IQCK: variants seen among roughly 807,000 people sequenced by gnomAD.
IQCK encodes the protein IQ motif containing K, also known as IQ domain-containing protein K.
In IQCK, 29 loss-of-function variants were observed where a neutral mutation model predicts 28.1. That is an observed-to-expected ratio of 1.03 (90% CI 0.77 to 1.41). IQCK has a LOEUF of 1.41. Among genes scored for constraint, IQCK ranks in the 40% most tolerant of loss-of-function variants. IQCK has a pLI of 0.00. For missense variants in IQCK, 359 were observed against 314.7 expected (o/e 1.14, Z -1.07); for synonymous variants, 113 against 115.1 (o/e 0.98, Z 0.12).
intron 6 of IQCK, among the ~76,000 whole-genome samples, chr16:19,780,414 T>G (rs1287628552): frequency 6.6e-6 from 1 of 151,920 alleles, no homozygotes; most frequent in African/African-American, 2.4e-5. Context: ...CAAGCCATCC[T>G]CCCTCCTTGG....
chr16:19,779,611 G>T (rs1467835009), intron 6 of IQCK, among the ~76,000 whole-genome samples: 1 of 151,676 alleles, frequency 6.6e-6, no homozygotes, highest in Non-Finnish European at 1.5e-5. Context: ...TAACTTTCTG[G>T]TCACTCTCTC....
chr16:19,763,833 CT>C lies in IQCK; in HGVS notation c.475-14del. ...TAAGGGTCAGTTGTAATTTAATTAT[CT>C]CTTCTCTCTTCAGAGGAAAAGAACC... is the stretch of plus-strand genomic sequence containing the variant. On this transcript the variant is annotated splice_polypyrimidine_tract_variant and intron_variant, in intron 4 of 7. Coordinates refer to ENST00000564186, the Ensembl canonical transcript of IQCK. 1 of 1,597,368 alleles carries C rather than the reference CT, an allele frequency of 6.3e-7. No homozygotes were observed. The highest frequency in any genetic ancestry group is 8.6e-7 in the Non-Finnish European group (1 of 1,164,992).
At chr16:19,779,503 A>G (rs1467063236) in intron 6 of IQCK, among the ~76,000 whole-genome samples, 2 of 152,024 alleles carry the variant, frequency 1.3e-5, no homozygotes, top group East Asian at 3.9e-4. Context: ...AAAATATGAA[A>G]AGTTTTTTCT....
At chr16:19,822,385 CAAAAAAAAAAA>C (rs1216507836) in intron 7 of IQCK, among the ~76,000 whole-genome samples, 1 of 61,176 alleles carries the variant, frequency 1.6e-5, no homozygotes, top group Non-Finnish European at 3.4e-5. Context: ...GACTCTGTCT[CAAAAAAAAAAA>C]AAAAAAAAAG....
exon 10 of IQCK, chr16:19,857,267 G>C (rs1350961091): frequency 9.2e-6 from 3 of 326,324 alleles, no homozygotes; most frequent in African/African-American, 2.3e-5. Flanking sequence ...AGTTGCACTG[G>C]GTTGTTTTGA....
chr16:19,810,353 C>T lies in IQCK; in HGVS notation c.691-16673C>T, dbSNP rs575706307. On this transcript the variant is annotated intron_variant, in intron 7 of 7. Coordinates refer to ENST00000564186, the Ensembl canonical transcript of IQCK. ...ATACTAAAAAATACAAAAAATTAGC[C>T]GGGTGTGGTGGCGGGTGCCTGTAGT... 1.1e-3 allele frequency among the ~76,000 whole-genome samples: 170 copies of T among 150,938 alleles called. 2 individuals carry two copies. The highest frequency in any genetic ancestry group is 3.6e-3 in the African/African-American group (150 of 41,110).
intron 6 of IQCK, among the ~76,000 whole-genome samples, chr16:19,768,412 T>C (rs1465358968): frequency 6.6e-6 from 1 of 152,174 alleles, no homozygotes; most frequent in African/African-American, 2.4e-5. Flanking sequence ...TCAGGCAGAA[T>C]TAAGAGCCTG....
chr16:19,814,786 CTTT>C (rs35073247), intron 7 of IQCK, among the ~76,000 whole-genome samples: 5 of 122,388 alleles, frequency 4.1e-5, no homozygotes, highest in Admixed American at 8.5e-5. Context: ...TAAAGAGGGT[CTTT>C]TTTTTTTTTT....
chr16:19,773,927 T>G (rs2055352703), intron 6 of IQCK, among the ~76,000 whole-genome samples: 1 of 152,202 alleles, frequency 6.6e-6, no homozygotes, highest in Non-Finnish European at 1.5e-5. Flanking sequence ...ATGTGACCTT[T>G]CTGTTGGGTG....
chr16:19,855,077 A>G (rs1397064359), intron 9 of IQCK, among the ~76,000 whole-genome samples: 1 of 152,208 alleles, frequency 6.6e-6, no homozygotes, highest in Non-Finnish European at 1.5e-5. Context: ...TGTCAAACAT[A>G]GAAAATAAGG....
chr16:19,808,468 C>A (rs1263252364), intron 7 of IQCK, among the ~76,000 whole-genome samples: 1 of 152,066 alleles, frequency 6.6e-6, no homozygotes, highest in Non-Finnish European at 1.5e-5. Context: ...ATTTGAGAAG[C>A]CTGAGTGCCA....
chr16:19,746,501 T>TA (rs1441764905), intron 4 of IQCK, among the ~76,000 whole-genome samples: 1 of 152,240 alleles, frequency 6.6e-6, no homozygotes, highest in Non-Finnish European at 1.5e-5. Context: ...CTGTGGGTGC[T>TA]GAAAACATTT....
chr16:19,771,928 C>A (rs979915910), intron 6 of IQCK, among the ~76,000 whole-genome samples: 1 of 152,042 alleles, frequency 6.6e-6, no homozygotes, highest in East Asian at 1.9e-4. Context: ...GACAGGGAAT[C>A]AACGAGGGAT....
intron 4 of IQCK, among the ~76,000 whole-genome samples, chr16:19,759,352 G>C (rs909130169): frequency 6.6e-6 from 1 of 152,060 alleles, no homozygotes; most frequent in Non-Finnish European, 1.5e-5. Flanking sequence ...GGGATTACAG[G>C]CACGTGCCAC....
chr16:19,767,116 A>C (rs1053641506), intron 6 of IQCK, among the ~76,000 whole-genome samples: 1 of 152,150 alleles, frequency 6.6e-6, no homozygotes, highest in Non-Finnish European at 1.5e-5. Flanking sequence ...TCAAACCTCT[A>C]GGGGAGCATA....
Position 19,758,698 on chromosome 16 carries a change from A to G in IQCK, c.475-5150A>G, listed in dbSNP as rs34852875. Among the ~76,000 whole-genome samples the G allele has an allele frequency of 5.5e-3, 836 of 152,336 alleles. 5 individuals carry two copies. Among genetic ancestry groups the G allele is most frequent in the Admixed American group, 9.1e-3 (139 of 15,298 alleles). ...GACTTCTATTCTTGCAGGGCAGATT[A>G]GAGGACCCCATTACATGGTCTGATA... is the stretch of plus-strand genomic sequence containing the variant. On this transcript the variant is annotated intron_variant, in intron 4 of 7. Coordinates refer to ENST00000564186, the Ensembl canonical transcript of IQCK.
intron 6 of IQCK, among the ~76,000 whole-genome samples, chr16:19,785,021 G>A (rs7198630): frequency 0.15 from 22,747 of 152,126 alleles, 1,929 homozygotes; most frequent in South Asian, 0.26. Context: ...CACCCGCCCC[G>A]GCCTTCCAAA....
chr16:19,781,030 A>T (rs978386228), intron 6 of IQCK, among the ~76,000 whole-genome samples: 1 of 152,190 alleles, frequency 6.6e-6, no homozygotes, highest in African/African-American at 2.4e-5. Context: ...ATCCCCTGTG[A>T]GAGGTTTGAA....
chr16:19,768,787 C>T (rs1191919110), intron 6 of IQCK, among the ~76,000 whole-genome samples: 1 of 152,148 alleles, frequency 6.6e-6, no homozygotes, highest in Admixed American at 6.5e-5. Context: ...ATCTCCACCA[C>T]TTACTGATCC....
Sources: allele counts gnomAD v4.1 joint callset (sites outside exome capture counted in the v4.1 genomes callset), GRCh38; gene constraint gnomAD v4.1.1; transcripts MANE v1.5; gene names NCBI Gene and HGNC (gene_info 2026-07-23, HGNC 2026-07-21).